The following ITGA2 variants were observed in gnomAD, a reference collection of about 807,000 sequenced individuals.
ITGA2 encodes integrin subunit alpha 2.
In ITGA2, 101 loss-of-function variants were observed where a neutral mutation model predicts 146.3. That is an observed-to-expected ratio of 0.69 (90% CI 0.59 to 0.81). ITGA2 has a LOEUF of 0.81. ITGA2 is among the 40% of genes least tolerant of loss of function. The pLI is 0.00. For missense variants in ITGA2, 1,281 were observed against 1,402.7 expected (o/e 0.91, Z 1.39); for synonymous variants, 477 against 487.1 (o/e 0.98, Z 0.27).
chr5:53,010,308 T>C (rs921976343), intron 1 of ITGA2, among the ~76,000 whole-genome samples: 1 of 152,230 alleles, frequency 6.6e-6, no homozygotes, highest in Non-Finnish European at 1.5e-5. Flanking sequence ...CAGAGGCCTA[T>C]GGTTGACAGC....
rs1313396530 is a variant in ITGA2, at chr5:53,089,965, A to T, written c.3368A>T (p.Lys1123Ile). 1 of 1,609,002 alleles carries T rather than the reference A, an allele frequency of 6.2e-7. No homozygotes were observed. Among genetic ancestry groups the T allele is most frequent in the Admixed American group, 1.7e-5 (1 of 60,008 alleles). Residue 1123 changes from lysine to isoleucine, a missense_variant, in exon 29 of 30, where the codon AAA (lysine) becomes ATA (isoleucine). Lys to Ile is a moderately radical substitution (Grantham distance 102, BLOSUM62 -3). Around this residue, in one of 3 missense-constraint regions of ITGA2, gnomAD observed 475 missense variants for 530.5 expected, o/e 0.90. Transcript: ENST00000296585. ...TTCCAGATTCCCCTGATGATAATGA[A>T]ACCTGATGAGAAAGCCGAAGTACCA... ...NTVTIPLMIM[K>I]PDEKAEVPTG...
chr5:53,074,508 A>T (rs201564593), intron 21 of ITGA2, 31 bp downstream of exon 21: 1 of 1,510,510 alleles, frequency 6.6e-7, no homozygotes, highest in East Asian at 2.3e-5. Context: ...TCCAATCCAT[A>T]CAAGCCCTCC....
intron 1 of ITGA2, among the ~76,000 whole-genome samples, chr5:52,999,748 G>A (rs1741473873): frequency 6.6e-6 from 1 of 152,158 alleles, no homozygotes; most frequent in Admixed American, 6.5e-5. Context: ...ACATCCCTGA[G>A]AAATGCTATG....
intron 1 of ITGA2, among the ~76,000 whole-genome samples, chr5:53,007,444 G>A (rs1172213686): frequency 6.6e-6 from 1 of 151,956 alleles, no homozygotes; most frequent in East Asian, 1.9e-4. Context: ...AGCAAGTTAG[G>A]TGACAGGCAC....
At chr5:52,999,276 G>T (rs550763445) in intron 1 of ITGA2, among the ~76,000 whole-genome samples, 3 of 151,944 alleles carry the variant, frequency 2.0e-5, no homozygotes. Flanking sequence ...AGAAAATGAT[G>T]TATTAAAAAA....
rs572020615 is a variant in ITGA2 at position 53,062,909 on chromosome 5, T to C, written c.1582T>C (p.Tyr528His). 1 of 1,610,328 alleles carries C rather than the reference T, an allele frequency of 6.2e-7. No individual in the cohort carries two copies. Among genetic ancestry groups the C allele is most frequent in the African/African-American group, 1.3e-5 (1 of 74,752 alleles). The change falls in exon 13 of 30, where the codon TAC becomes CAC. Residue 528 changes from tyrosine (Y) to histidine (H), a missense_variant. Physicochemically the swap from Tyr to His is moderately conservative, Grantham distance 83. This residue lies in a region of ITGA2 where 795 missense variants were observed against 841.7 expected (regional missense o/e 0.94). Transcript: ENST00000296585. ...CCTAAAGAAAGAGGAAGGAAGAGTC[T>C]ACCTGTTTACTATCAAAGAGGTAAA... Reference protein sequence around the residue: ...SDLKKEEGRVYLFTIKEGILG... With the variant: ...SDLKKEEGRVHLFTIKEGILG...
chr5:53,011,525 T>A (rs1219340391), intron 1 of ITGA2, among the ~76,000 whole-genome samples: 6 of 152,138 alleles, frequency 3.9e-5, no homozygotes, highest in Non-Finnish European at 8.8e-5. Context: ...CTATTCAGCT[T>A]CCTCCTTAGT....
intron 1 of ITGA2, among the ~76,000 whole-genome samples, chr5:53,004,658 A>G (rs1188703547): frequency 6.6e-6 from 1 of 152,106 alleles, no homozygotes; most frequent in Non-Finnish European, 1.5e-5. Flanking sequence ...AAAGTTTGAC[A>G]CTTAAAGCAA....
chr5:53,056,167 C>T lies in ITGA2; in HGVS notation c.1096+18C>T. On this transcript the variant is annotated intron_variant, in intron 9 of 29. Transcript: ENST00000296585. ...CATTGAAGGTAAAAAAAATAACCTC[C>T]TTTCAAGAATTTTCTTCAAAATGTT... The T allele has an allele frequency of 1.2e-6, 2 of 1,606,288 alleles. No individual in the cohort carries two copies. Among genetic ancestry groups the T allele is most frequent in the South Asian group, 1.1e-5 (1 of 90,414 alleles).
At chr5:52,991,091 G>A (rs1740930961) in intron 1 of ITGA2, among the ~76,000 whole-genome samples, 1 of 152,162 alleles carries the variant, frequency 6.6e-6, no homozygotes, top group African/African-American at 2.4e-5. Flanking sequence ...CAGGAACAGA[G>A]ACTTAACCTG....
Position 53,059,984 on chromosome 5 carries a change from GCAGGA to G in ITGA2, c.1288_1292del (p.Asp430LysfsTer38). Reference sequence around the variant, plus strand: ...CTAAACAAGCCTTTGACCAAATTCTGCAGGACAGAAATCACAGTTCATATTTAGGT... The same window carrying G: ...CTAAACAAGCCTTTGACCAAATTCTGCAGAAATCACAGTTCATATTTAGGT... On this transcript the variant is annotated frameshift_variant, in exon 11 of 30. Transcript: ENST00000296585. LOFTEE classifies it high-confidence loss of function. 1 of 1,612,232 alleles carries G rather than the reference GCAGGA, an allele frequency of 6.2e-7. No individual in the cohort carries two copies. The highest frequency in any genetic ancestry group is 8.5e-7 in the Non-Finnish European group (1 of 1,178,888).
At chr5:53,050,871 C>T (rs188653287) in intron 6 of ITGA2, among the ~76,000 whole-genome samples, 4 of 152,266 alleles carry the variant, frequency 2.6e-5, no homozygotes, top group African/African-American at 4.8e-5. Flanking sequence ...TGTTGAAGCC[C>T]ATAATAGAGG....
intron 16 of ITGA2, among the ~76,000 whole-genome samples, chr5:53,068,636 T>TCCC (rs1269859270): frequency 2.0e-5 from 3 of 151,974 alleles, no homozygotes; most frequent in South Asian, 2.1e-4. Context: ...TTTAAATCTT[T>TCCC]TTTCCTGATG....
intron 2 of ITGA2, among the ~76,000 whole-genome samples, chr5:53,038,933 A>C (rs947058637): frequency 6.6e-6 from 1 of 152,160 alleles, no homozygotes; most frequent in African/African-American, 2.4e-5. Flanking sequence ...TCTATTAAAA[A>C]AGTGCAAAAG....
intron 14 of ITGA2, 184 bp from the exon 15 acceptor site, chr5:53,065,657 C>T: frequency 2.8e-6 from 2 of 703,048 alleles, no homozygotes; most frequent in South Asian, 3.6e-5. Flanking sequence ...GAAAATGTGG[C>T]TGTAAGAGTG....
At chr5:53,085,075 A>G (rs763027978) in intron 27 of ITGA2, among the ~76,000 whole-genome samples, 8 of 152,224 alleles carry the variant, frequency 5.3e-5, no homozygotes, top group Non-Finnish European at 1.0e-4. Flanking sequence ...TTCCTCCTTC[A>G]TGAAAAGTCA....
chr5:53,002,054 T>A (rs1460370475), intron 1 of ITGA2, among the ~76,000 whole-genome samples: 1 of 152,122 alleles, frequency 6.6e-6, no homozygotes, highest in Non-Finnish European at 1.5e-5. Flanking sequence ...TTTAAAAAAA[T>A]ATTGATTTTT....
intron 12 of ITGA2, among the ~76,000 whole-genome samples, chr5:53,062,223 C>T (rs1283589061): frequency 6.6e-6 from 1 of 151,900 alleles, no homozygotes; most frequent in African/African-American, 2.4e-5. Flanking sequence ...GCCTAGAAAA[C>T]TCCATGTCCT....
At chr5:53,062,694 T>G (rs1285289561) in intron 12 of ITGA2, 92 bp from the exon 13 acceptor site, 16 of 1,356,358 alleles carry the variant, frequency 1.2e-5, no homozygotes, top group Non-Finnish European at 1.6e-5. Context: ...CACTCAATTT[T>G]TGTGTATTGA....
Sources: gnomAD v4.1 joint callset for allele counts (sites outside exome capture counted in the v4.1 genomes callset) on GRCh38, gnomAD v4.1.1 for gene constraint, gnomAD v4.1.1 regional missense constraint, MANE v1.5 for transcripts, NCBI Gene and HGNC (gene_info 2026-07-23, HGNC 2026-07-21) for gene names.